Variants in CDK19 observed in about 807,000 individuals in gnomAD.
CDK19 encodes cyclin dependent kinase 19, also known as cyclin-dependent kinase 19.
CDK19 carries 20 observed loss-of-function variants against 68.3 expected under a neutral mutation model. That is an observed-to-expected ratio of 0.29 (90% CI 0.21 to 0.43). The LOEUF (loss-of-function observed/expected upper bound fraction) is 0.43, where lower values mean the gene tolerates loss of function less well. CDK19 is among the 20% of genes least tolerant of loss of function. The pLI, the probability that CDK19 is intolerant of heterozygous loss-of-function variation, is 1.00. For missense variants in CDK19, 339 were observed against 623.5 expected, an observed-to-expected ratio of 0.54 and a Z score of 4.86; for synonymous variants, 221 against 222.8, an observed-to-expected ratio of 0.99 and a Z score of 0.07.
intron 4 of CDK19, among the ~76,000 whole-genome samples, chr6:110,659,080 A>G (rs759845124): frequency 6.6e-6 from 1 of 152,244 alleles, no homozygotes; most frequent in Non-Finnish European, 1.5e-5. Context: ...TTAAGGACTA[A>G]GTAAGGCTAA....
intron 1 of CDK19, among the ~76,000 whole-genome samples, chr6:110,762,995 A>G (rs763079468): frequency 6.6e-6 from 1 of 152,224 alleles, no homozygotes; most frequent in Non-Finnish European, 1.5e-5. Context: ...AGAGGTTTAC[A>G]GTAAGAGTCT....
intron 2 of CDK19, among the ~76,000 whole-genome samples, chr6:110,732,305 G>A (rs1214634326): frequency 1.3e-5 from 2 of 152,036 alleles, no homozygotes; most frequent in African/African-American, 4.8e-5. Context: ...AGACTAGCCT[G>A]GCTGTCACGG....
chr6:110,801,159 C>G (rs1189726362), intron 1 of CDK19, among the ~76,000 whole-genome samples: 2 of 152,092 alleles, frequency 1.3e-5, no homozygotes, highest in African/African-American at 2.4e-5. Flanking sequence ...CAATAACATT[C>G]AAGCTGAGAA....
At chr6:110,623,139 AAGAC>A (rs879927645) in intron 9 of CDK19, 147 bp downstream of exon 9, 31 of 682,096 alleles carry the variant, frequency 4.5e-5, no homozygotes, top group Admixed American at 1.4e-4. Flanking sequence ...TGAAGGCTGA[AAGAC>A]AGGGTGACAT....
chr6:110,721,231 C>T (rs1582946980), intron 2 of CDK19, among the ~76,000 whole-genome samples: 1 of 152,154 alleles, frequency 6.6e-6, no homozygotes, highest in African/African-American at 2.4e-5. Context: ...CAGAGTGAGA[C>T]TGTCTCAAAA....
chr6:110,695,126 T>TAAAGGGGAAAGGGG lies in CDK19; in HGVS notation c.205-24599_205-24586dup, dbSNP rs61287960. Among the ~76,000 whole-genome samples, 319 of 143,614 alleles carry TAAAGGGGAAAGGGG rather than the reference T, an allele frequency of 2.2e-3. 6 individuals are homozygous for TAAAGGGGAAAGGGG. The highest frequency in any genetic ancestry group is 4.9e-4 in the Non-Finnish European group (32 of 65,256). The allele number at this position is 143,614 out of a possible 152,430, so 94.2% of individuals were successfully genotyped here. The stretch of plus-strand genomic sequence containing the variant: ...AGTAGGACAAGGAAAGGAGAAAGGG[T>TAAAGGGGAAAGGGG]AAAGGGGAAAGGGGAAAGGGGAAAG... On this transcript the variant is annotated intron_variant, in intron 2 of 12. Transcript: ENST00000368911.
intron 2 of CDK19, among the ~76,000 whole-genome samples, chr6:110,710,280 G>C (rs1221315031): frequency 6.6e-6 from 1 of 152,172 alleles, no homozygotes; most frequent in African/African-American, 2.4e-5. Flanking sequence ...GAGAAGATCT[G>C]TTCTGGCTCT....
chr6:110,812,344 G>C (rs1454803818), intron 1 of CDK19, among the ~76,000 whole-genome samples: 1 of 151,938 alleles, frequency 6.6e-6, no homozygotes. Context: ...GGATGGTCTC[G>C]ATCTCCTGAC....
intron 1 of CDK19, among the ~76,000 whole-genome samples, chr6:110,799,423 C>T (rs1482500808): frequency 6.6e-6 from 1 of 151,982 alleles, no homozygotes; most frequent in Non-Finnish European, 1.5e-5. Flanking sequence ...AACCAAAATC[C>T]AAGAATGCTC....
intron 2 of CDK19, among the ~76,000 whole-genome samples, chr6:110,741,625 C>A (rs1001033830): frequency 2.0e-5 from 3 of 151,234 alleles, no homozygotes; most frequent in African/African-American, 7.3e-5. Context: ...ACTGTCAAAG[C>A]CAAAGACAAA....
chr6:110,807,731 G>C (rs895182137), intron 1 of CDK19, among the ~76,000 whole-genome samples: 5 of 152,064 alleles, frequency 3.3e-5, no homozygotes, highest in African/African-American at 1.2e-4. Flanking sequence ...AAAGAGCTGG[G>C]ATTATAGGCA....
At chr6:110,669,109 T>C (rs961962058) in intron 3 of CDK19, among the ~76,000 whole-genome samples, 3 of 152,160 alleles carry the variant, frequency 2.0e-5, no homozygotes, top group Non-Finnish European at 2.9e-5. Flanking sequence ...TAAGCCTTGG[T>C]TGACATATAG....
Position 110,778,426 on chromosome 6 carries a change from G to C in CDK19, c.129-32225C>G, listed in dbSNP as rs1780563938. 3.3e-5 allele frequency among the ~76,000 whole-genome samples: 5 copies of C among 152,126 alleles called. No homozygotes were observed. In the South Asian group the frequency reaches 6.2e-4, roughly 19 times the overall value. The stretch of plus-strand genomic sequence containing the variant: ...TAATTCAAAGGTTAAAATAATTAAA[G>C]TACAATTTTTGCCCCACTAAAACAG... On this transcript the variant is annotated intron_variant, in intron 1 of 12. Coordinates refer to ENST00000368911, the MANE Select transcript of CDK19 (RefSeq NM_015076.5).
intron 10 of CDK19, 126 bp from the exon 11 acceptor site, chr6:110,622,292 C>G: frequency 6.1e-6 from 4 of 654,690 alleles, no homozygotes; most frequent in Non-Finnish European, 1.0e-5. Flanking sequence ...GGCTAGTGTT[C>G]AAATCTTGAC....
chr6:110,680,661 T>A (rs1771932055), intron 2 of CDK19, among the ~76,000 whole-genome samples: 1 of 152,294 alleles, frequency 6.6e-6, no homozygotes, highest in Non-Finnish European at 1.5e-5. Context: ...ACTAAAATAT[T>A]TTAATTACTC....
intron 4 of CDK19, among the ~76,000 whole-genome samples, chr6:110,664,633 C>T (rs1349691755): frequency 1.3e-5 from 2 of 152,130 alleles, no homozygotes; most frequent in African/African-American, 4.8e-5. Context: ...TTCCTCAACA[C>T]CTATTGTGTA....
At chr6:110,734,974 A>T (rs1168498442) in intron 2 of CDK19, among the ~76,000 whole-genome samples, 1 of 152,216 alleles carries the variant, frequency 6.6e-6, no homozygotes, top group Admixed American at 6.5e-5. Flanking sequence ...ATGACCTCAA[A>T]TTCCTATTCA....
Position 110,632,091 on chromosome 6 carries a change from C to T in CDK19, c.585G>A (p.Val195=). ...GTTCTGGAGCCCGATACCAAAATGT[C>T]ACAACTACTGGATCCAAATCTGCTA... is the stretch of plus-strand genomic sequence containing the variant. ...KPLADLDPVV[V]TFWYRAPELL... The change falls in exon 6 of 13, where the codon GTG becomes GTA. Residue 195 remains valine (V), a synonymous_variant. Coordinates refer to ENST00000368911, the MANE Select transcript of CDK19 (RefSeq NM_015076.5). 1 of 1,613,940 alleles carries T rather than the reference C, an allele frequency of 6.2e-7. No homozygotes were observed. The highest frequency in any genetic ancestry group is 8.5e-7 in the Non-Finnish European group (1 of 1,179,900).
At position 110,695,372 on chromosome 6, in the gene CDK19, T is replaced by C. The variant is rs549509434; in HGVS notation, c.205-24831A>G. The stretch of plus-strand genomic sequence containing the variant: ...AGAAAAAGCACTGCTAAAAGGGACA[T>C]TCATAGCATTAAATGCCTAAAAATG... On this transcript the variant is annotated intron_variant, in intron 2 of 12. Transcript: ENST00000368911. Among the ~76,000 whole-genome samples, 12 of 152,256 alleles carry C rather than the reference T, an allele frequency of 7.9e-5. No homozygotes were observed. In the East Asian group the frequency reaches 1.9e-3, roughly 25 times the overall value.
Sources: gnomAD v4.1 joint callset for allele counts (sites outside exome capture counted in the v4.1 genomes callset) on GRCh38, gnomAD v4.1.1 for gene constraint, MANE v1.5 for transcripts, NCBI Gene and HGNC (gene_info 2026-07-23, HGNC 2026-07-21) for gene names.